MYCBP2: variants seen among roughly 807,000 people sequenced by gnomAD.
MYCBP2 encodes the protein E3 ubiquitin-protein ligase MYCBP2.
MYCBP2 carries 120 observed loss-of-function variants against 525.3 expected under a neutral mutation model. The observed-to-expected ratio is 0.23, with a 90% confidence interval of 0.20 to 0.27. MYCBP2 has a LOEUF of 0.27. Among genes scored for constraint, MYCBP2 ranks in the 10% least tolerant of loss-of-function variants. The pLI, the probability that MYCBP2 is intolerant of heterozygous loss-of-function variation, is 1.00. For synonymous variants in MYCBP2, 1,894 were observed against 1,955.8 expected (o/e 0.97, Z 0.83); for missense variants, 4,149 against 5,657.1 (o/e 0.73, Z 8.55).
At chr13:77,095,207 C>A in intron 58 of MYCBP2, 151 bp downstream of exon 58, 1 of 893,638 alleles carries the variant, frequency 1.1e-6, no homozygotes, top group Non-Finnish European at 1.7e-6. Flanking sequence ...TTATGTCAGT[C>A]AAGGCAACTC....
At chr13:77,275,093 G>A (rs1409399365) in intron 4 of MYCBP2, among the ~76,000 whole-genome samples, 1 of 151,974 alleles carries the variant, frequency 6.6e-6, no homozygotes, top group Non-Finnish European at 1.5e-5. Flanking sequence ...TCACACACTG[G>A]CAACTATTCT....
In MYCBP2 at chr13:77,190,432, G is replaced by A. The variant is rs571598917; in HGVS notation, c.4071-97C>T. The A allele has an allele frequency of 1.6e-4, 114 of 731,874 alleles. No homozygotes were observed. The African/African-American group carries it at 1.9e-3, about 12-fold the overall frequency. 45.3% of individuals were successfully genotyped at this position (731,874 alleles called of 1,614,324 possible). ...TTTCAAATCTTATGTCAATGAAAAT[G>A]ATTCACTCTTTTACATAAAGAAAAG... On this transcript the variant is annotated intron_variant, in intron 28 of 82. Transcript: ENST00000544440.
Position 77,098,186 on chromosome 13 carries a change from G to A in MYCBP2, c.8968C>T (p.Arg2990Ter). 1 of 1,613,606 alleles carries A rather than the reference G, an allele frequency of 6.2e-7. No homozygotes were observed. The highest frequency in any genetic ancestry group is 8.5e-7 in the Non-Finnish European group (1 of 1,179,758). Residue 2990 changes from arginine (R) to a stop codon, truncating the protein, a stop_gained, in exon 56 of 83, where the codon CGA (arginine) becomes TGA (stop). Transcript: ENST00000544440. LOFTEE classifies it high-confidence loss of function. Reference sequence around the variant, plus strand: ...CTGGTGTGTCTATTAGCACATTTTCGACTTATTTTGGGAGATGCTCTCATT... The same window carrying A: ...CTGGTGTGTCTATTAGCACATTTTCAACTTATTTTGGGAGATGCTCTCATT... ...QEMRASPKIS[R>*]KCANRHTRPK...
chr13:77,131,094 G>A (rs894652092), intron 52 of MYCBP2, among the ~76,000 whole-genome samples: 4 of 152,072 alleles, frequency 2.6e-5, no homozygotes, highest in African/African-American at 4.8e-5. Flanking sequence ...CTTTTGTTCT[G>A]CAGTTGTAGA....
chr13:77,265,267 G>A (rs146887259), intron 8 of MYCBP2, among the ~76,000 whole-genome samples: 15 of 152,034 alleles, frequency 9.9e-5, no homozygotes, highest in East Asian at 7.7e-4. Context: ...ACAAAGAGGC[G>A]CAAGAAAGAT....
rs186988179 is a variant in MYCBP2 at position 77,069,505 on chromosome 13, C to T, written c.11905-674G>A. Among the ~76,000 whole-genome samples the T allele has an allele frequency of 1.4e-4, 21 of 151,234 alleles. No individual in the cohort carries two copies. In the South Asian group the frequency reaches 2.5e-3, roughly 18 times the overall value. On this transcript the variant is annotated intron_variant, in intron 69 of 82. Transcript: ENST00000544440. Reference sequence around the variant, plus strand: ...CTGTAATCCCAGCAGTTTGGGAGGCCGAGGCAGGTGGATCATGAGGTCAGG... The same window carrying T: ...CTGTAATCCCAGCAGTTTGGGAGGCTGAGGCAGGTGGATCATGAGGTCAGG...
intron 2 of MYCBP2, among the ~76,000 whole-genome samples, chr13:77,290,981 C>T (rs1197144000): frequency 1.3e-5 from 2 of 152,070 alleles, no homozygotes; most frequent in Non-Finnish European, 2.9e-5. Flanking sequence ...GCCCTACACA[C>T]TGAAAACAAA....
chr13:77,250,775 C>T (rs971865766), intron 15 of MYCBP2, among the ~76,000 whole-genome samples: 2 of 151,838 alleles, frequency 1.3e-5, no homozygotes, highest in Non-Finnish European at 2.9e-5. Context: ...TTTATGATAT[C>T]GATAATTTTA....
At chr13:77,072,353 T>G (rs1405030891) in intron 68 of MYCBP2, among the ~76,000 whole-genome samples, 1 of 146,426 alleles carries the variant, frequency 6.8e-6, no homozygotes, top group Non-Finnish European at 1.5e-5. Context: ...AAGAAAACAT[T>G]GTGAATTGAA....
Position 77,062,665 on chromosome 13 carries a change from A to G in MYCBP2, c.12705T>C (p.Leu4235=), listed in dbSNP as rs1002378713. The G allele has an allele frequency of 3.1e-6, 5 of 1,614,124 alleles. No homozygotes were observed. Among genetic ancestry groups the G allele is most frequent in the Non-Finnish European group, 3.4e-6 (4 of 1,180,036 alleles). ...AGAGACGATCTACGTGGTCCTGATC[A>G]AGAACACATAGGGATGCGAGAGCAA... The part of the protein sequence containing the change: ...LWLALASLCV[L]DQDHVDRLSS... The change falls in exon 74 of 83, where the codon CTT becomes CTC. Residue 4235 remains leucine (L), a synonymous_variant. Coordinates refer to ENST00000544440, the MANE Select transcript of MYCBP2 (RefSeq NM_015057.5).
Position 77,058,555 on chromosome 13 carries a change from CTTTG to C in MYCBP2, c.13141-153_13141-150del. The C allele has an allele frequency of 1.6e-6, 1 of 607,610 alleles. No homozygotes were observed. Among genetic ancestry groups the C allele is most frequent in the Non-Finnish European group, 2.5e-6 (1 of 397,162 alleles). 37.6% of individuals were successfully genotyped at this position (607,610 alleles called of 1,614,324 possible). ...ACAACAAAGTAAAGTTATTTCTAAT[CTTTG>C]TTTGAATATAAATTAGGCTTCTTAA... On this transcript the variant is annotated intron_variant, in intron 77 of 82. Transcript: ENST00000544440. The surrounding 1 kb of genome is among the most constrained non-coding windows in gnomAD (Gnocchi z 4.1).
chr13:77,164,879 G>C (rs542658504), intron 42 of MYCBP2, among the ~76,000 whole-genome samples: 4 of 152,314 alleles, frequency 2.6e-5, no homozygotes, highest in African/African-American at 9.6e-5. Context: ...GAAAGGTATA[G>C]CCAACTGAGC....
chr13:77,173,961 C>T (rs1026244297), intron 37 of MYCBP2, among the ~76,000 whole-genome samples: 12 of 152,170 alleles, frequency 7.9e-5, no homozygotes, highest in Admixed American at 7.9e-4. Flanking sequence ...TACAGTCTAT[C>T]TGATCATTAG....
At chr13:77,225,994 C>CTA (rs1211955903) in intron 18 of MYCBP2, among the ~76,000 whole-genome samples, 1 of 152,184 alleles carries the variant, frequency 6.6e-6, no homozygotes, top group Non-Finnish European at 1.5e-5. Flanking sequence ...TCACAAGTGA[C>CTA]TTAGATTTCC....
At position 77,188,318 on chromosome 13, in the gene MYCBP2, G is replaced by A. The variant is rs536827896; in HGVS notation, c.4251+633C>T. Among the ~76,000 whole-genome samples, 93 of 152,274 alleles carry A rather than the reference G, an allele frequency of 6.1e-4. No individual in the cohort carries two copies. The Middle Eastern group carries it at 0.014, about 22-fold the overall frequency. ...TAGCTATATTAATAAATCACATTCAGATGGTGCCTTACAGTTCCAAAAACA... is the reference window on the plus strand; with the variant it reads ...TAGCTATATTAATAAATCACATTCAAATGGTGCCTTACAGTTCCAAAAACA... On this transcript the variant is annotated intron_variant, in intron 30 of 82. Transcript: ENST00000544440.
intron 79 of MYCBP2, 88 bp downstream of exon 79, chr13:77,056,898 C>T (rs1003631758): frequency 3.0e-4 from 304 of 1,011,636 alleles, no homozygotes; most frequent in Non-Finnish European, 4.3e-4. Context: ...TGGGTAAAAC[C>T]AAGAGATACT....
At chr13:77,072,461 G>A (rs902943386) in intron 68 of MYCBP2, among the ~76,000 whole-genome samples, 5 of 152,030 alleles carry the variant, frequency 3.3e-5, no homozygotes, top group Non-Finnish European at 7.4e-5. Flanking sequence ...GAAAAGAAAG[G>A]TCTTGGAGTC....
chr13:77,121,850 T>C (rs2050751759), intron 54 of MYCBP2, among the ~76,000 whole-genome samples: 1 of 152,108 alleles, frequency 6.6e-6, no homozygotes, highest in African/African-American at 2.4e-5. Flanking sequence ...CAAAACAAAA[T>C]GGATAACCTA....
chr13:77,238,087 C>T (rs1368700705), intron 17 of MYCBP2, among the ~76,000 whole-genome samples: 1 of 151,550 alleles, frequency 6.6e-6, no homozygotes, highest in Admixed American at 6.6e-5. Context: ...AGTAAAAATA[C>T]AAAAAATTAG....
Sources: allele counts gnomAD v4.1 joint callset (sites outside exome capture counted in the v4.1 genomes callset), GRCh38; gene constraint gnomAD v4.1.1; non-coding constraint Gnocchi (gnomAD v3.1); transcripts MANE v1.5; gene names NCBI Gene and HGNC (gene_info 2026-07-23, HGNC 2026-07-21).